The following OPRM1 variants were observed in gnomAD, a reference collection of about 807,000 sequenced individuals.
OPRM1 encodes the protein mu-type opioid receptor.
A neutral mutation model predicts 31.8 loss-of-function variants in OPRM1; 27 were observed. The observed-to-expected ratio is 0.85, with a 90% confidence interval of 0.63 to 1.17. The LOEUF (loss-of-function observed/expected upper bound fraction) is 1.17, where lower values mean the gene tolerates loss of function less well. Among genes scored for constraint, OPRM1 ranks in the 50% most tolerant of loss-of-function variants. OPRM1 has a pLI of 0.00. For synonymous variants in OPRM1, 196 were observed against 189.9 expected (o/e 1.03, Z -0.26); for missense variants, 536 against 511.1 (o/e 1.05, Z -0.47).
chr6:154,099,612 TTAAA>T (rs1361657051), intron 3 of OPRM1, among the ~76,000 whole-genome samples: 4 of 148,572 alleles, frequency 2.7e-5, no homozygotes, highest in East Asian at 1.9e-4. Flanking sequence ...ATAAAATCTC[TTAAA>T]TAAAGATCAT....
chr6:154,208,288 G>T (rs925733434), intron 3 of OPRM1, among the ~76,000 whole-genome samples: 2 of 152,142 alleles, frequency 1.3e-5, no homozygotes, highest in Non-Finnish European at 2.9e-5. Context: ...AGGAGACCTT[G>T]ACTCTCACTG....
intron 1 of OPRM1, chr6:154,073,459 TA>T (rs1349785957): frequency 3.9e-5 from 6 of 152,226 alleles, no homozygotes; most frequent in Non-Finnish European, 7.3e-5. Context: ...CCTCTGTTTT[TA>T]TTGAAAACTG....
At chr6:154,040,721 G>A (rs930634947) in intron 1 of OPRM1, among the ~76,000 whole-genome samples, 1 of 152,150 alleles carries the variant, frequency 6.6e-6, no homozygotes, top group African/African-American at 2.4e-5. Flanking sequence ...TGTGATGGGT[G>A]CTCTAGACAA....
chr6:154,244,320 G>A (rs2128640068), intron 3 of OPRM1, among the ~76,000 whole-genome samples: 1 of 151,722 alleles, frequency 6.6e-6, no homozygotes, highest in South Asian at 2.1e-4. Context: ...GTGTGTGTGT[G>A]TGTGTGTTTG....
At chr6:154,141,432 C>T (rs907921971) in intron 3 of OPRM1, among the ~76,000 whole-genome samples, 8 of 152,094 alleles carry the variant, frequency 5.3e-5, no homozygotes, top group Non-Finnish European at 8.8e-5. Flanking sequence ...TGGTGGTATT[C>T]GCAGCAGCCC....
chr6:154,052,024 G>T (rs975292383), intron 1 of OPRM1, among the ~76,000 whole-genome samples: 1 of 152,212 alleles, frequency 6.6e-6, no homozygotes, highest in African/African-American at 2.4e-5. Flanking sequence ...CACGTCTTTT[G>T]CAGGGACATG....
intron 3 of OPRM1, among the ~76,000 whole-genome samples, chr6:154,186,796 T>C (rs914809731): frequency 6.6e-6 from 1 of 152,066 alleles, no homozygotes; most frequent in Non-Finnish European, 1.5e-5. Flanking sequence ...GACCTCGTGA[T>C]CCACCTGCCT....
At chr6:154,150,625 C>A (rs1798475346) in intron 3 of OPRM1, among the ~76,000 whole-genome samples, 1 of 152,220 alleles carries the variant, frequency 6.6e-6, no homozygotes, top group African/African-American at 2.4e-5. Flanking sequence ...ACCTCTGTTG[C>A]AGGCTCAGAC....
chr6:154,220,008 G>T (rs1233935533), intron 3 of OPRM1, among the ~76,000 whole-genome samples: 1 of 151,856 alleles, frequency 6.6e-6, no homozygotes, highest in Non-Finnish European at 1.5e-5. Flanking sequence ...GTGTGTGTGT[G>T]TGTGTGTGTG....
intron 1 of OPRM1, among the ~76,000 whole-genome samples, chr6:154,050,790 T>C (rs1782048953): frequency 6.6e-6 from 1 of 152,198 alleles, no homozygotes; most frequent in South Asian, 2.1e-4. Flanking sequence ...AAAGGATAAA[T>C]GCTTGAGGGG....
intron 3 of OPRM1, chr6:154,221,192 C>T: frequency 8.9e-7 from 1 of 1,128,456 alleles, no homozygotes; most frequent in Non-Finnish European, 1.3e-6. Context: ...ATTAGAATTC[C>T]AGTACCAGGC....
At chr6:154,085,902 T>TTTTTTTTTTTTTTTTTC (rs1790436989) in intron 1 of OPRM1, among the ~76,000 whole-genome samples, 1 of 150,694 alleles carries the variant, frequency 6.6e-6, no homozygotes, top group African/African-American at 2.5e-5. Flanking sequence ...TTTTTTTTTT[T>TTTTTTTTTTTTTTTTTC]TTTGAGACAG....
At chr6:154,229,135 T>TTATCTGG (rs1779501981) in intron 3 of OPRM1, among the ~76,000 whole-genome samples, 1 of 152,226 alleles carries the variant, frequency 6.6e-6, no homozygotes, top group Non-Finnish European at 1.5e-5. Context: ...CTGTATTTAA[T>TTATCTGG]TATCTGGTTG....
intron 3 of OPRM1, among the ~76,000 whole-genome samples, chr6:154,178,795 A>G (rs1651951000): frequency 6.6e-6 from 1 of 152,228 alleles, no homozygotes; most frequent in African/African-American, 2.4e-5. Context: ...ATGAAAGGCA[A>G]ATTATCACTC....
chr6:154,039,395 C>A lies in OPRM1; in HGVS notation c.-150C>A, dbSNP rs1779552356. On this transcript the variant is annotated 5_prime_UTR_variant, in exon 1 of 4. Transcript: ENST00000330432. ...TCAGCTCGGTCCCCTCCGCCTGACG[C>A]TCCTCTCTGTCTCAGCCAGGACTGG... 3 of 1,546,950 alleles carry A rather than the reference C, an allele frequency of 1.9e-6. No individual in the cohort carries two copies.
At chr6:154,032,264 G>A (rs1030533868) in intron 1 of OPRM1, among the ~76,000 whole-genome samples, 5 of 152,112 alleles carry the variant, frequency 3.3e-5, no homozygotes, top group Admixed American at 1.3e-4. Context: ...CTTTATTAAC[G>A]AAGCTCATTT....
At chr6:154,085,887 C>CTTTTTT (rs1562446297) in intron 1 of OPRM1, among the ~76,000 whole-genome samples, 2 of 100,960 alleles carry the variant, frequency 2.0e-5, no homozygotes, top group African/African-American at 4.9e-5. Flanking sequence ...GAAAGCTTGC[C>CTTTTTT]CTTTTTTTTT....
chr6:154,246,182 G>A (rs999183577), intron 3 of OPRM1, among the ~76,000 whole-genome samples: 12 of 152,148 alleles, frequency 7.9e-5, no homozygotes, highest in African/African-American at 2.9e-4. Context: ...TGAATCAACT[G>A]ACACCCTTGT....
intron 3 of OPRM1, among the ~76,000 whole-genome samples, chr6:154,099,670 T>TATACATATATATATACATAC (rs1474982772): frequency 6.7e-6 from 1 of 150,214 alleles, no homozygotes; most frequent in African/African-American, 2.5e-5. Context: ...TATATACATA[T>TATACATATATATATACATAC]ATACACACAT....
Sources: gnomAD v4.1 joint callset for allele counts (sites outside exome capture counted in the v4.1 genomes callset) on GRCh38, gnomAD v4.1.1 for gene constraint, MANE v1.5 for transcripts, NCBI Gene and HGNC (gene_info 2026-07-23, HGNC 2026-07-21) for gene names.